CDH11: variants seen among roughly 807,000 people sequenced by gnomAD.
The protein encoded by CDH11 is cadherin 11, also known as cadherin-11.
A neutral mutation model predicts 67.8 loss-of-function variants in CDH11; 11 were observed. The ratio of observed to expected loss-of-function variants is 0.16; its 90% CI spans 0.10 to 0.27. The LOEUF is 0.27. Ranked by LOEUF, CDH11 falls within the 10% of genes least tolerant of loss-of-function variation. The pLI, the probability that CDH11 is intolerant of heterozygous loss-of-function variation, is 1.00. For synonymous variants in CDH11, 419 were observed against 400.0 expected (o/e 1.05, Z -0.57); for missense variants, 847 against 1,031.2 (o/e 0.82, Z 2.45).
intron 2 of CDH11, among the ~76,000 whole-genome samples, chr16:65,051,257 A>G (rs1296819575): frequency 6.6e-6 from 1 of 152,170 alleles, no homozygotes; most frequent in Non-Finnish European, 1.5e-5. Flanking sequence ...TGTCCTCCCA[A>G]AACAGACCCA....
intron 7 of CDH11, chr16:64,987,055 T>C (rs2072504849): frequency 6.6e-6 from 1 of 152,188 alleles, no homozygotes; most frequent in Non-Finnish European, 1.5e-5. Flanking sequence ...AGGAGTTTAA[T>C]ATTCATGCTA....
intron 2 of CDH11, among the ~76,000 whole-genome samples, chr16:65,014,249 G>A (rs2073246723): frequency 6.6e-6 from 1 of 151,942 alleles, no homozygotes; most frequent in Non-Finnish European, 1.5e-5. Flanking sequence ...AGTAGACCAG[G>A]GTCGTTCAAT....
Position 65,083,341 on chromosome 16 carries a change from C to T in CDH11, c.-297-29413G>A, listed in dbSNP as rs1022495327. ...CTCACTGACTAATGGGAAAGAAGGA[C>T]GTGAGAGCACATTATTATGCCTGAC... On this transcript the variant is annotated intron_variant, in intron 1 of 12. Coordinates refer to ENST00000268603, the MANE Select transcript of CDH11 (RefSeq NM_001797.4). 2.6e-5 allele frequency among the ~76,000 whole-genome samples: 4 copies of T among 152,166 alleles called. No homozygotes were observed. In the South Asian group the frequency reaches 6.2e-4, roughly 24 times the overall value.
intron 2 of CDH11, among the ~76,000 whole-genome samples, chr16:65,051,239 C>G (rs566325617): frequency 6.6e-6 from 1 of 152,270 alleles, no homozygotes; most frequent in South Asian, 2.1e-4. Flanking sequence ...GGACTCCTCA[C>G]GTTGAAATGT....
intron 2 of CDH11, among the ~76,000 whole-genome samples, chr16:65,010,659 C>T (rs997081755): frequency 1.3e-5 from 2 of 152,000 alleles, no homozygotes; most frequent in African/African-American, 4.8e-5. Flanking sequence ...AAGACCCCAG[C>T]GCTCTGCAAA....
intron 2 of CDH11, among the ~76,000 whole-genome samples, chr16:65,024,836 T>C (rs751813226): frequency 1.5e-4 from 23 of 152,272 alleles, no homozygotes; most frequent in Admixed American, 3.3e-4. Flanking sequence ...TGGAATATAC[T>C]AGAAAACCAA....
chr16:64,969,329 T>C (rs1378651378), intron 11 of CDH11, among the ~76,000 whole-genome samples: 1 of 152,150 alleles, frequency 6.6e-6, no homozygotes, highest in Non-Finnish European at 1.5e-5. Context: ...TTAGTAAAGG[T>C]CCTGTTTGTA....
chr16:65,030,566 T>C (rs1418973316), intron 2 of CDH11, among the ~76,000 whole-genome samples: 1 of 152,036 alleles, frequency 6.6e-6, no homozygotes, highest in Non-Finnish European at 1.5e-5. Context: ...CTGTGGACAG[T>C]TTGAGAATTT....
chr16:65,042,979 CA>C, intron 2 of CDH11, among the ~76,000 whole-genome samples: 1 of 152,292 alleles, frequency 6.6e-6, no homozygotes, highest in East Asian at 1.9e-4. Context: ...CTCTGCAAAG[CA>C]ATCAGCAGGG....
At chr16:64,993,616 C>A (rs1450742841) in intron 4 of CDH11, among the ~76,000 whole-genome samples, 1 of 152,164 alleles carries the variant, frequency 6.6e-6, no homozygotes, top group Non-Finnish European at 1.5e-5. Flanking sequence ...CCACCTGTAG[C>A]TGGTCTGGTA....
chr16:65,057,987 C>G (rs559679234), intron 1 of CDH11, among the ~76,000 whole-genome samples: 71 of 152,236 alleles, frequency 4.7e-4, no homozygotes, highest in African/African-American at 1.4e-3. Context: ...GTAATCCCAG[C>G]AGTTTGGGAG....
chr16:64,992,588 T>C (rs532336882), intron 5 of CDH11, among the ~76,000 whole-genome samples: 7 of 152,380 alleles, frequency 4.6e-5, no homozygotes, highest in Non-Finnish European at 1.0e-4. Flanking sequence ...TCTGTAGATA[T>C]GGCAACAGTT....
chr16:65,122,136 C>T (rs904083266), upstream of CDH11: 4 of 47,010 alleles, frequency 8.5e-5, no homozygotes, highest in African/African-American at 2.2e-4. Context: ...GGGTGCGGGG[C>T]GGGGGGGGCG....
Position 65,122,050 on chromosome 16 carries a change from G to A in CDH11, c.-468C>T, listed in dbSNP as rs1201619132. ...GCCCGCGACGCTCCCCTCAGCTGGC[G>A]GCGGCCGCGGAATGAGCCGCCGAGC... On this transcript the variant is annotated 5_prime_UTR_variant, in exon 1 of 13. Transcript: ENST00000268603. 1 of 665,986 alleles carries A rather than the reference G, an allele frequency of 1.5e-6. No homozygotes were observed. Among genetic ancestry groups the A allele is most frequent in the Non-Finnish European group, 2.7e-6 (1 of 372,214 alleles). The allele number at this position is 665,986 out of a possible 1,614,324, so 41.3% of individuals were successfully genotyped here.
chr16:64,946,225 GA>G lies in CDH11; in HGVS notation c.*1377del, dbSNP rs1206515511. The G allele has an allele frequency of 7.9e-5, 83 of 1,049,486 alleles. No individual in the cohort carries two copies. The highest frequency in any genetic ancestry group is 8.9e-5 in the Non-Finnish European group (77 of 869,488). The allele number at this position is 1,049,486 out of a possible 1,614,324, so 65.0% of individuals were successfully genotyped here. On this transcript the variant is annotated 3_prime_UTR_variant, in exon 13 of 13. Transcript: ENST00000268603. ...TTACAATTAGTTAAAATTACAGGAG[GA>G]AAAATAAGCAGTTTCAACTATCAAG...
At chr16:65,046,140 T>G (rs1363097459) in intron 2 of CDH11, among the ~76,000 whole-genome samples, 1 of 152,212 alleles carries the variant, frequency 6.6e-6, no homozygotes, top group African/African-American at 2.4e-5. Context: ...TCAGGCGCTT[T>G]GATCTTTCAA....
Position 64,947,857 on chromosome 16 carries a change from T to G in CDH11, c.2137A>C (p.Asn713His), listed in dbSNP as rs769840282. ...MPRPGLRPAP[N>H]SVDVDDFINT... The stretch of plus-strand genomic sequence containing the variant: ...ATGAAGTCATCGACATCCACGCTGT[T>G]GGGCGCTGGCCGGAGCCCAGGTCTA... Residue 713 changes from asparagine to histidine, a missense_variant, in exon 13 of 13, where the codon AAC (asparagine) becomes CAC (histidine). Around this residue, in one of 2 missense-constraint regions of CDH11, gnomAD observed 612 missense variants for 678.7 expected, o/e 0.90. Transcript: ENST00000268603. 6.2e-7 allele frequency: 1 copy of G among 1,614,164 alleles called. No homozygotes were observed. Among genetic ancestry groups the G allele is most frequent in the Admixed American group, 1.7e-5 (1 of 60,020 alleles).
intron 1 of CDH11, chr16:65,072,096 T>G (rs1177764131): frequency 2.6e-5 from 4 of 152,404 alleles, no homozygotes; most frequent in Admixed American, 6.5e-5. Flanking sequence ...AGGGACTTCC[T>G]TGACAGGCAG....
intron 1 of CDH11, among the ~76,000 whole-genome samples, chr16:65,058,558 C>T (rs747949892): frequency 3.9e-5 from 6 of 152,228 alleles, no homozygotes; most frequent in East Asian, 1.9e-4. Context: ...CATTGTTGAA[C>T]GGATGATTAA....
Sources: allele counts gnomAD v4.1 joint callset (sites outside exome capture counted in the v4.1 genomes callset), GRCh38; gene constraint gnomAD v4.1.1; regional missense constraint gnomAD v4.1.1; transcripts MANE v1.5; gene names NCBI Gene and HGNC (gene_info 2026-07-23, HGNC 2026-07-21).